PTPRK: variants seen among roughly 807,000 people sequenced by gnomAD.
PTPRK encodes the protein receptor-type tyrosine-protein phosphatase kappa.
PTPRK carries 75 observed loss-of-function variants against 178.0 expected under a neutral mutation model. The ratio of observed to expected loss-of-function variants is 0.42; its 90% CI spans 0.35 to 0.51. PTPRK has a LOEUF of 0.51. Among genes scored for constraint, PTPRK ranks in the 20% least tolerant of loss-of-function variants. PTPRK has a pLI of 0.02. For synonymous variants in PTPRK, 637 were observed against 620.6 expected (o/e 1.03, Z -0.39); for missense variants, 1,441 against 1,797.8 (o/e 0.80, Z 3.59).
chr6:128,454,183 T>C (rs1465447795), intron 1 of PTPRK, among the ~76,000 whole-genome samples: 2 of 152,100 alleles, frequency 1.3e-5, no homozygotes, highest in African/African-American at 4.8e-5. Flanking sequence ...AAAAGGGCCC[T>C]CGCCAGACAC....
Position 128,184,731 on chromosome 6 carries a change from A to G in PTPRK, c.869-6T>C. On this transcript the variant is annotated splice_polypyrimidine_tract_variant and splice_region_variant and intron_variant, in intron 6 of 29. Transcript: ENST00000368226. ...AGCAATGGGTCTTGGCGGTTCTAGG[A>G]GAGATGAGTGTGCACTTCAATTAGT... The G allele has an allele frequency of 3.1e-6, 5 of 1,611,902 alleles. No homozygotes were observed. Among genetic ancestry groups the G allele is most frequent in the Non-Finnish European group, 4.2e-6 (5 of 1,178,552 alleles).
intron 6 of PTPRK, among the ~76,000 whole-genome samples, chr6:128,196,502 C>T (rs893064506): frequency 3.3e-5 from 5 of 152,122 alleles, no homozygotes; most frequent in African/African-American, 9.7e-5. Flanking sequence ...TATTTCAACT[C>T]CCCTTGAACA....
intron 13 of PTPRK, among the ~76,000 whole-genome samples, chr6:128,061,911 T>A (rs1780901445): frequency 6.6e-6 from 1 of 152,142 alleles, no homozygotes; most frequent in African/African-American, 2.4e-5. Flanking sequence ...TTTATAAGAG[T>A]AAAGTGCACA....
At chr6:127,983,403 T>C (rs1775588585) in intron 22 of PTPRK, 26 bp from the exon 23 acceptor site, 2 of 1,609,272 alleles carry the variant, frequency 1.2e-6, no homozygotes, top group Admixed American at 1.7e-5. Flanking sequence ...ATTTAATGAA[T>C]TGTAAGAAGC....
intron 25 of PTPRK, among the ~76,000 whole-genome samples, chr6:127,977,973 A>C (rs1451262563): frequency 6.6e-6 from 1 of 152,204 alleles, no homozygotes; most frequent in African/African-American, 2.4e-5. Flanking sequence ...CATTTGTATC[A>C]TACTACTATT....
chr6:128,260,424 G>A (rs73772021), intron 3 of PTPRK, among the ~76,000 whole-genome samples: 6,782 of 152,112 alleles, frequency 0.045, 512 homozygotes, highest in African/African-American at 0.15. Context: ...AAATAGAGAA[G>A]ATGGCCTTTA....
At chr6:128,225,137 G>A (rs1811060944) in intron 5 of PTPRK, among the ~76,000 whole-genome samples, 2 of 152,086 alleles carry the variant, frequency 1.3e-5, no homozygotes, top group African/African-American at 4.8e-5. Flanking sequence ...GAGCTGCACT[G>A]ACAATACATG....
intron 2 of PTPRK, among the ~76,000 whole-genome samples, chr6:128,334,043 G>A (rs535757237): frequency 2.2e-4 from 34 of 152,130 alleles, no homozygotes; most frequent in Non-Finnish European, 3.7e-4. Context: ...CCAGTAGGTG[G>A]AACAGTCAGA....
At chr6:128,049,020 A>G (rs545035356) in intron 13 of PTPRK, among the ~76,000 whole-genome samples, 10 of 152,318 alleles carry the variant, frequency 6.6e-5, no homozygotes, top group African/African-American at 1.9e-4. Context: ...TTGATATCCA[A>G]ATGAAATCAG....
intron 1 of PTPRK, among the ~76,000 whole-genome samples, chr6:128,438,216 G>T (rs182819731): frequency 3.3e-5 from 5 of 152,232 alleles, no homozygotes; most frequent in Non-Finnish European, 7.3e-5. Context: ...TTGCCTGTAG[G>T]TGACCTCCAC....
chr6:128,378,258 A>C (rs182973406), intron 2 of PTPRK, among the ~76,000 whole-genome samples: 18 of 152,252 alleles, frequency 1.2e-4, no homozygotes, highest in Middle Eastern at 3.4e-3. Flanking sequence ...CAATCTTCCC[A>C]AAGATAACAA....
intron 2 of PTPRK, among the ~76,000 whole-genome samples, chr6:128,356,006 T>A (rs1030593277): frequency 6.6e-6 from 1 of 152,186 alleles, no homozygotes; most frequent in Non-Finnish European, 1.5e-5. Context: ...TTGGGAAAAG[T>A]AAGTAAATGG....
intron 2 of PTPRK, among the ~76,000 whole-genome samples, chr6:128,323,429 T>C (rs970256576): frequency 1.3e-5 from 2 of 152,142 alleles, no homozygotes; most frequent in African/African-American, 4.8e-5. Context: ...AACCAAAATA[T>C]ATCAGATGTA....
intron 2 of PTPRK, among the ~76,000 whole-genome samples, chr6:128,388,592 C>T (rs1389767239): frequency 2.0e-5 from 3 of 152,158 alleles, no homozygotes; most frequent in African/African-American, 7.2e-5. Flanking sequence ...TCTACATATA[C>T]TTGTTTTATA....
intron 2 of PTPRK, among the ~76,000 whole-genome samples, chr6:128,396,042 T>C (rs1840257516): frequency 1.3e-5 from 2 of 152,090 alleles, no homozygotes; most frequent in Non-Finnish European, 2.9e-5. Context: ...AATTGTTTAT[T>C]GTTGATGTTT....
At chr6:128,041,191 A>G (rs1244255273) in intron 13 of PTPRK, among the ~76,000 whole-genome samples, 1 of 152,100 alleles carries the variant, frequency 6.6e-6, no homozygotes, top group African/African-American at 2.4e-5. Context: ...CTAACCTAAA[A>G]GTTTTAAACA....
chr6:128,200,812 GAGA>G (rs202144769), intron 6 of PTPRK, among the ~76,000 whole-genome samples: 1,623 of 141,206 alleles, frequency 0.011, 13 homozygotes, highest in African/African-American at 0.016. Flanking sequence ...GAAAGAGAGA[GAGA>G]AGAAGAAGAA....
At chr6:128,420,483 G>A (rs1482264742) in intron 1 of PTPRK, among the ~76,000 whole-genome samples, 2 of 152,032 alleles carry the variant, frequency 1.3e-5, no homozygotes, top group African/African-American at 2.4e-5. Context: ...CCTTACTTTA[G>A]GTATATGGAA....
At chr6:128,075,865 AT>A (rs1783722884) in intron 11 of PTPRK, among the ~76,000 whole-genome samples, 1 of 152,008 alleles carries the variant, frequency 6.6e-6, no homozygotes, top group Non-Finnish European at 1.5e-5. Context: ...GGATGAATAG[AT>A]GGTGAAATGC....
Sources: allele counts gnomAD v4.1 joint callset (sites outside exome capture counted in the v4.1 genomes callset), GRCh38; gene constraint gnomAD v4.1.1; transcripts MANE v1.5; gene names NCBI Gene and HGNC (gene_info 2026-07-23, HGNC 2026-07-21).